ADGRB2: variants seen among roughly 807,000 people sequenced by gnomAD.
ADGRB2 encodes the protein adhesion G protein-coupled receptor B2, also known as brain-specific angiogenesis inhibitor 2.
In ADGRB2, 47 loss-of-function variants were observed where a neutral mutation model predicts 178.7. The ratio of observed to expected loss-of-function variants is 0.26; its 90% CI spans 0.21 to 0.34. The LOEUF is 0.34. Among genes scored for constraint, ADGRB2 ranks in the 10% least tolerant of loss-of-function variants. ADGRB2 has a pLI of 1.00. For missense variants in ADGRB2, 1,584 were observed against 2,180.8 expected, an observed-to-expected ratio of 0.73 and a Z score of 5.45; for synonymous variants, 870 against 912.4, an observed-to-expected ratio of 0.95 and a Z score of 0.84.
chr1:31,737,273 T>C (rs1033537033), intron 20 of ADGRB2, among the ~76,000 whole-genome samples, 156 bp downstream of exon 20: 1 of 152,140 alleles, frequency 6.6e-6, no homozygotes, highest in African/African-American at 2.4e-5. Flanking sequence ...TCCTCACATA[T>C]GGTCTCACAC....
At position 31,732,277 on chromosome 1, in the gene ADGRB2, C is replaced by T. The variant is rs557970335; in HGVS notation, c.3721-123G>A. The T allele has an allele frequency of 1.4e-5, 19 of 1,396,560 alleles. No homozygotes were observed. The South Asian group carries it at 2.1e-4, about 16-fold the overall frequency. The allele number at this position is 1,396,560 out of a possible 1,614,324, so 86.5% of individuals were successfully genotyped here. A position where few individuals can be genotyped will look rare whatever the true frequency, so the allele number is the denominator to read the frequency against. ...GCCTGCCTTAGGGCTGCCCATGGCC[C>T]ATAGCCCATGGCCCAGCAGAGCCCA... On this transcript the variant is annotated intron_variant, in intron 27 of 32. Coordinates refer to ENST00000373658, the MANE Select transcript of ADGRB2 (RefSeq NM_001364857.2).
In ADGRB2 at chr1:31,728,266, G is replaced by A; in HGVS notation, c.4431C>T (p.Thr1477=). ...GGTAGAGTTCTGAATGCCGTTTCCG[G>A]GTGTGCATCACCTTCTAGGGGCCAC... ...SDLDFEKVMH[T]RKRHSELYHE... Residue 1477 remains threonine (T), a synonymous_variant, in exon 31 of 33, where the codon ACC becomes ACT. Transcript: ENST00000373658. This position sits in a 1 kb window ranked among gnomAD's most constrained non-coding sequence, Gnocchi z 6.7. 6 of 1,613,946 alleles carry A rather than the reference G, an allele frequency of 3.7e-6. No individual in the cohort carries two copies. Among genetic ancestry groups the A allele is most frequent in the Non-Finnish European group, 5.1e-6 (6 of 1,179,992 alleles).
rs549665414 is a variant in ADGRB2 at position 31,729,848 on chromosome 1, T to C, written c.4380+952A>G. On this transcript the variant is annotated intron_variant, in intron 29 of 32. Transcript: ENST00000373658. ...CTTCTCCGACACTGGCGTTGCATTT[T>C]GTCTTTGTTACGCCTTCCTGTTTTT... 8.5e-5 allele frequency among the ~76,000 whole-genome samples: 13 copies of C among 152,384 alleles called. No individual in the cohort carries two copies. The East Asian group carries it at 2.1e-3, about 25-fold the overall frequency.
chr1:31,756,002 A>G lies in ADGRB2; in HGVS notation c.835T>C (p.Tyr279His), dbSNP rs1227814851. 6.2e-7 allele frequency: 1 copy of G among 1,604,264 alleles called. No homozygotes were observed. Among genetic ancestry groups the G allele is most frequent in the East Asian group, 2.2e-5 (1 of 44,552 alleles). Residue 279 changes from tyrosine to histidine, a missense_variant, in exon 4 of 33, where the codon TAT (tyrosine) becomes CAT (histidine). Tyr to His is a moderately conservative substitution (Grantham distance 83). Around this residue, in one of 3 missense-constraint regions of ADGRB2, gnomAD observed 657 missense variants for 847.6 expected, o/e 0.78. Coordinates refer to ENST00000373658, the MANE Select transcript of ADGRB2 (RefSeq NM_001364857.2). The surrounding 1 kb of genome is among the most constrained non-coding windows in gnomAD (Gnocchi z 8.5). ...CCCAGGCCCTGCTGAGACTCACCAT[A>G]TCTCATCTCGGTTGTGAACAGATCA... ...SNDLFTTEMRYGEEPEEEPKV... is the reference protein window; with the variant it reads ...SNDLFTTEMRHGEEPEEEPKV...
At chr1:31,750,592 C>A (rs1415315435) in intron 4 of ADGRB2, among the ~76,000 whole-genome samples, 2 of 152,132 alleles carry the variant, frequency 1.3e-5, no homozygotes, top group East Asian at 3.9e-4. Flanking sequence ...AGGGAGAGAG[C>A]GCTGTGATTT....
At chr1:31,743,382 A>C in intron 6 of ADGRB2, 1 of 176,638 alleles carries the variant, frequency 5.7e-6, no homozygotes, top group Non-Finnish European at 1.1e-5. Flanking sequence ...CAGAGCCTGA[A>C]TACAACACAG....
In ADGRB2 at chr1:31,728,260, T is replaced by C. The variant is rs762688252; in HGVS notation, c.4437A>G (p.Lys1479=). Residue 1479 remains lysine (K), a synonymous_variant, in exon 31 of 33, where the codon AAA becomes AAG. Transcript: ENST00000373658. The surrounding 1 kb of genome is among the most constrained non-coding windows in gnomAD (Gnocchi z 6.7). ...LDFEKVMHTR[K]RHSELYHELN... Reference sequence around the variant, plus strand: ...GCTCGTGGTAGAGTTCTGAATGCCGTTTCCGGGTGTGCATCACCTTCTAGG... The same window carrying C: ...GCTCGTGGTAGAGTTCTGAATGCCGCTTCCGGGTGTGCATCACCTTCTAGG... 6.2e-7 allele frequency: 1 copy of C among 1,614,008 alleles called. No homozygotes were observed. Among genetic ancestry groups the C allele is most frequent in the Non-Finnish European group, 8.5e-7 (1 of 1,179,996 alleles).
intron 29 of ADGRB2, among the ~76,000 whole-genome samples, chr1:31,730,386 G>A (rs924836574): frequency 6.6e-6 from 1 of 152,312 alleles, no homozygotes; most frequent in East Asian, 1.9e-4. Flanking sequence ...CAAAGAGACT[G>A]CTACGGTATC....
chr1:31,736,922 G>A (rs866832949), intron 20 of ADGRB2, among the ~76,000 whole-genome samples, 199 bp from the exon 21 acceptor site: 19 of 152,268 alleles, frequency 1.2e-4, no homozygotes, highest in Middle Eastern at 3.4e-3. Flanking sequence ...CACAGCACTC[G>A]GCATCCAGGG....
At chr1:31,732,092 C>T in intron 28 of ADGRB2, 23 bp downstream of exon 28, 1 of 1,613,942 alleles carries the variant, frequency 6.2e-7, no homozygotes, top group Non-Finnish European at 8.5e-7. Context: ...GGACCATTCT[C>T]AGTTCTGCCA....
rs1646859529 is a variant in ADGRB2 at position 31,756,829 on chromosome 1, C to G, written c.22-14G>C. 2.1e-6 allele frequency: 3 copies of G among 1,455,260 alleles called. No homozygotes were observed. Among genetic ancestry groups the G allele is most frequent in the Non-Finnish European group, 1.8e-6 (2 of 1,101,244 alleles). The allele number at this position is 1,455,260 out of a possible 1,614,324, so 90.1% of individuals were successfully genotyped here. On this transcript the variant is annotated splice_polypyrimidine_tract_variant and intron_variant, in intron 3 of 32. Transcript: ENST00000373658. This position sits in a 1 kb window ranked among gnomAD's most constrained non-coding sequence, Gnocchi z 8.5. ...ATGTCCCTTGCCCTGTGGAGAGAGACAGTGGTCAGCGGGCCCCCAGCACAG... is the reference window on the plus strand; with the variant it reads ...ATGTCCCTTGCCCTGTGGAGAGAGAGAGTGGTCAGCGGGCCCCCAGCACAG...
intron 27 of ADGRB2, among the ~76,000 whole-genome samples, 156 bp downstream of exon 27, chr1:31,732,361 C>G (rs535003669): frequency 6.6e-6 from 1 of 152,386 alleles, no homozygotes; most frequent in Admixed American, 6.5e-5. Flanking sequence ...GAAGGACTTG[C>G]CCAATGCCAC....
At position 31,731,336 on chromosome 1, in the gene ADGRB2, G is replaced by A. The variant is rs753447888; in HGVS notation, c.3844C>T (p.Pro1282Ser). 3.1e-6 allele frequency: 5 copies of A among 1,612,952 alleles called. No homozygotes were observed. The highest frequency in any genetic ancestry group is 4.2e-6 in the Non-Finnish European group (5 of 1,179,946). ...SRLSLDEDEEPKSCLVGPEGS... is the reference protein window; with the variant it reads ...SRLSLDEDEESKSCLVGPEGS... ...TCAGGGCCCACGAGGCAGGACTTGG[G>A]CTCCTCATCCTCATCCAGGGACAGG... is the stretch of plus-strand genomic sequence containing the variant. Residue 1282 changes from proline to serine, a missense_variant, in exon 29 of 33, where the codon CCC becomes TCC. Coordinates refer to ENST00000373658, the MANE Select transcript of ADGRB2 (RefSeq NM_001364857.2).
intron 4 of ADGRB2, among the ~76,000 whole-genome samples, chr1:31,746,889 C>T (rs1323703617): frequency 2.0e-5 from 3 of 152,336 alleles, no homozygotes; most frequent in East Asian, 1.9e-4. Context: ...CCTTCGCTCT[C>T]GGAGAGGCCC....
rs1647050517 is a variant in ADGRB2 at position 31,761,879 on chromosome 1, A to G, written c.-191+2005T>C. 6.6e-6 allele frequency among the ~76,000 whole-genome samples: 1 copy of G among 152,192 alleles called. No homozygotes were observed. The highest frequency in any genetic ancestry group is 2.4e-5 in the African/African-American group (1 of 41,434). The stretch of plus-strand genomic sequence containing the variant: ...AGCATTGCTAGGTGCCAGACACTCT[A>G]TACAAACAACCTAACTTCATTCTCC... On this transcript the variant is annotated intron_variant, in intron 1 of 32. Transcript: ENST00000373658. The surrounding 1 kb of genome is among the most constrained non-coding windows in gnomAD (Gnocchi z 4.2).
Position 31,753,146 on chromosome 1 carries a change from G to C in ADGRB2, c.838+2853C>G, listed in dbSNP as rs1482747379. 6.6e-6 allele frequency among the ~76,000 whole-genome samples: 1 copy of C among 152,178 alleles called. No individual in the cohort carries two copies. Among genetic ancestry groups the C allele is most frequent in the African/African-American group, 2.4e-5 (1 of 41,444 alleles). On this transcript the variant is annotated intron_variant, in intron 4 of 32. Coordinates refer to ENST00000373658, the MANE Select transcript of ADGRB2 (RefSeq NM_001364857.2). This position sits in a 1 kb window ranked among gnomAD's most constrained non-coding sequence, Gnocchi z 4.1. ...CACTGGCCATCAGGAGCTGAGCCCT[G>C]CAGCTGGCACTAACTCTGCGGCCCG...
intron 4 of ADGRB2, among the ~76,000 whole-genome samples, chr1:31,752,381 C>T (rs910590614): frequency 5.3e-5 from 8 of 152,156 alleles, no homozygotes; most frequent in Admixed American, 3.9e-4. Flanking sequence ...ATACCACCAC[C>T]GTGTGTGCTG....
Position 31,744,392 on chromosome 1 carries a change from A to G in ADGRB2, c.923-35T>C. The G allele has an allele frequency of 6.5e-7, 1 of 1,545,356 alleles. No individual in the cohort carries two copies. The highest frequency in any genetic ancestry group is 1.4e-5 in the African/African-American group (1 of 72,766). ...AGGGACAGCGTCGGCGGCAGGGGGC[A>G]CCTCCCAAGCACTCAGTCTCATAGG... On this transcript the variant is annotated intron_variant, in intron 5 of 32. Transcript: ENST00000373658. This position sits in a 1 kb window ranked among gnomAD's most constrained non-coding sequence, Gnocchi z 6.7.
intron 1 of ADGRB2, among the ~76,000 whole-genome samples, chr1:31,762,823 G>A (rs1448020975): frequency 2.0e-5 from 3 of 152,214 alleles, no homozygotes; most frequent in Non-Finnish European, 4.4e-5. Flanking sequence ...CGGGCAGGGG[G>A]CGCCAGAGGA....
Sources: allele counts gnomAD v4.1 joint callset (sites outside exome capture counted in the v4.1 genomes callset), GRCh38; gene constraint gnomAD v4.1.1; regional missense constraint gnomAD v4.1.1; non-coding constraint Gnocchi (gnomAD v3.1); transcripts MANE v1.5; gene names NCBI Gene and HGNC (gene_info 2026-07-23, HGNC 2026-07-21).